LRMDA: variants seen among roughly 807,000 people sequenced by gnomAD.
LRMDA encodes leucine-rich melanocyte differentiation-associated protein.
A neutral mutation model predicts 29.8 loss-of-function variants in LRMDA; 18 were observed. The ratio of observed to expected loss-of-function variants is 0.60; its 90% CI spans 0.42 to 0.90. The LOEUF is 0.90. Ranked by LOEUF, LRMDA falls within the 40% of genes least tolerant of loss-of-function variation. The pLI, the probability that LRMDA is intolerant of heterozygous loss-of-function variation, is 0.00. For synonymous variants in LRMDA, 125 were observed against 109.4 expected, an observed-to-expected ratio of 1.14 and a Z score of -0.89; for missense variants, 273 against 273.9, an observed-to-expected ratio of 1.00 and a Z score of 0.02.
chr10:76,432,966 A>G (rs950510523), intron 6 of LRMDA, among the ~76,000 whole-genome samples: 1 of 152,200 alleles, frequency 6.6e-6, no homozygotes, highest in African/African-American at 2.4e-5. Flanking sequence ...ATCAGCACAG[A>G]GGCCCAGGAA....
intron 2 of LRMDA, among the ~76,000 whole-genome samples, chr10:76,016,339 T>G (rs2132485880): frequency 6.6e-6 from 1 of 151,350 alleles, no homozygotes; most frequent in African/African-American, 2.4e-5. Context: ...GTGGCCCAAA[T>G]ACTCTGATTT....
chr10:75,583,986 C>A (rs1840626385), intron 2 of LRMDA, among the ~76,000 whole-genome samples: 2 of 152,152 alleles, frequency 1.3e-5, no homozygotes, highest in African/African-American at 4.8e-5. Flanking sequence ...CTTCCCAGCC[C>A]CCCCATAGGG....
intron 5 of LRMDA, among the ~76,000 whole-genome samples, chr10:76,173,088 A>T (rs1352432861): frequency 6.6e-6 from 1 of 152,218 alleles, no homozygotes; most frequent in African/African-American, 2.4e-5. Flanking sequence ...ATCAGACCCA[A>T]AGCAAAATTC....
intron 6 of LRMDA, among the ~76,000 whole-genome samples, chr10:76,524,778 T>C (rs1157790469): frequency 6.6e-6 from 1 of 152,226 alleles, no homozygotes; most frequent in Non-Finnish European, 1.5e-5. Context: ...AAATTGCCAG[T>C]GGCAGTGCCA....
intron 2 of LRMDA, among the ~76,000 whole-genome samples, chr10:75,904,393 G>A (rs1845725611): frequency 1.3e-5 from 2 of 152,076 alleles, no homozygotes; most frequent in South Asian, 2.1e-4. Flanking sequence ...AGGTCCACTG[G>A]TGGCCGTCTA....
At chr10:75,854,804 G>T (rs549985119) in intron 2 of LRMDA, among the ~76,000 whole-genome samples, 7 of 151,420 alleles carry the variant, frequency 4.6e-5, no homozygotes, top group Non-Finnish European at 1.0e-4. Context: ...ACCTATGAGC[G>T]AGAACATGCA....
At chr10:76,212,050 A>G (rs1851643849) in intron 5 of LRMDA, among the ~76,000 whole-genome samples, 1 of 152,220 alleles carries the variant, frequency 6.6e-6, no homozygotes, top group African/African-American at 2.4e-5. Flanking sequence ...TTCTTGGTTC[A>G]GCAACAAGAC....
intron 2 of LRMDA, among the ~76,000 whole-genome samples, chr10:75,543,464 A>G (rs961723045): frequency 6.6e-6 from 1 of 152,144 alleles, no homozygotes; most frequent in Non-Finnish European, 1.5e-5. Context: ...AAGAAAAAAA[A>G]ATGGAAGTGG....
intron 2 of LRMDA, among the ~76,000 whole-genome samples, chr10:75,720,254 A>G (rs1431650614): frequency 3.3e-5 from 5 of 152,230 alleles, no homozygotes; most frequent in Admixed American, 2.0e-4. Flanking sequence ...GCAGCAAATA[A>G]GATGGGGTGA....
intron 2 of LRMDA, among the ~76,000 whole-genome samples, chr10:75,741,763 CA>C (rs1180642266): frequency 6.6e-6 from 1 of 152,152 alleles, no homozygotes. Context: ...ACATGTAGAG[CA>C]CCTGCCGCAC....
chr10:75,648,449 A>G (rs1028579896), intron 2 of LRMDA, among the ~76,000 whole-genome samples: 2 of 152,198 alleles, frequency 1.3e-5, no homozygotes, highest in Non-Finnish European at 2.9e-5. Flanking sequence ...CTTTCTAAGT[A>G]GAGACTGTGC....
intron 2 of LRMDA, among the ~76,000 whole-genome samples, chr10:75,882,280 T>G (rs955241329): frequency 6.6e-6 from 1 of 152,180 alleles, no homozygotes; most frequent in African/African-American, 2.4e-5. Flanking sequence ...GGAGGTTGTA[T>G]TCACTGCAAG....
At chr10:75,735,117 C>T (rs1280569797) in intron 2 of LRMDA, among the ~76,000 whole-genome samples, 1 of 152,184 alleles carries the variant, frequency 6.6e-6, no homozygotes, top group Non-Finnish European at 1.5e-5. Flanking sequence ...CAAGTACCTG[C>T]AACAGTAGCA....
chr10:75,818,293 C>T (rs1844095257), intron 2 of LRMDA, among the ~76,000 whole-genome samples: 1 of 152,146 alleles, frequency 6.6e-6, no homozygotes, highest in Admixed American at 6.5e-5. Flanking sequence ...CCAGCTCTTG[C>T]AGGTCATCTT....
chr10:76,124,937 G>A (rs1294173834), intron 5 of LRMDA, among the ~76,000 whole-genome samples: 2 of 152,112 alleles, frequency 1.3e-5, no homozygotes, highest in Admixed American at 6.5e-5. Flanking sequence ...CAGGGTTTGG[G>A]GGCCATACTG....
At chr10:75,844,800 T>G (rs758479105) in intron 2 of LRMDA, among the ~76,000 whole-genome samples, 3 of 152,250 alleles carry the variant, frequency 2.0e-5, no homozygotes, top group Admixed American at 1.3e-4. Context: ...ATTTTTCATT[T>G]GACATACAGT....
intron 5 of LRMDA, among the ~76,000 whole-genome samples, chr10:76,078,034 G>A (rs1271623865): frequency 2.5e-5 from 2 of 79,672 alleles, no homozygotes; most frequent in Non-Finnish European, 4.5e-5. Context: ...TTTTTGAGAT[G>A]GAGTCTCGCT....
At chr10:76,297,025 C>T (rs2132355157) in intron 5 of LRMDA, among the ~76,000 whole-genome samples, 1 of 152,322 alleles carries the variant, frequency 6.6e-6, no homozygotes, top group Admixed American at 6.5e-5. Flanking sequence ...GAGCTCTGAG[C>T]TCTCAGTCCA....
At chr10:75,671,830 C>T (rs772620063) in intron 2 of LRMDA, among the ~76,000 whole-genome samples, 23 of 152,118 alleles carry the variant, frequency 1.5e-4, no homozygotes, top group Non-Finnish European at 2.9e-4. Flanking sequence ...CTTCCCTTGA[C>T]GATTCCTATC....
Sources: gnomAD v4.1 joint callset for allele counts (sites outside exome capture counted in the v4.1 genomes callset) on GRCh38, gnomAD v4.1.1 for gene constraint, MANE v1.5 for transcripts, NCBI Gene and HGNC (gene_info 2026-07-23, HGNC 2026-07-21) for gene names.